Variants in P3H2 observed in about 807,000 individuals in gnomAD.
P3H2 encodes leprecan-like 1.
P3H2 carries 80 observed loss-of-function variants against 87.0 expected under a neutral mutation model. That is an observed-to-expected ratio of 0.92 (90% CI 0.77 to 1.11). The LOEUF is 1.11. Ranked by LOEUF, P3H2 falls within the 50% of genes least tolerant of loss-of-function variation. The pLI is 0.00. For synonymous variants in P3H2, 367 were observed against 359.3 expected, an observed-to-expected ratio of 1.02 and a Z score of -0.24; for missense variants, 1,001 against 923.9, an observed-to-expected ratio of 1.08 and a Z score of -1.08.
At chr3:190,050,493 T>G (rs573634256) in intron 1 of P3H2, among the ~76,000 whole-genome samples, 98 of 152,292 alleles carry the variant, frequency 6.4e-4, no homozygotes, top group Non-Finnish European at 1.3e-3. Flanking sequence ...CTTCTATAGA[T>G]GCAGACTTAG....
chr3:190,005,700 C>A lies in P3H2; in HGVS notation c.481-10258G>T, dbSNP rs145387915. Among the ~76,000 whole-genome samples the A allele has an allele frequency of 6.3e-3, 955 of 152,294 alleles. 10 individuals carry two copies. The highest frequency in any genetic ancestry group is 0.021 in the African/African-American group (892 of 41,558). On this transcript the variant is annotated intron_variant, in intron 1 of 14. Transcript: ENST00000319332. The stretch of plus-strand genomic sequence containing the variant: ...GCTTTTATAGGAGTGGGAAGATTTA[C>A]TTCAAAAGTTATTTCCAAACACTCA...
chr3:189,968,668 A>G (rs1051892583), intron 13 of P3H2, among the ~76,000 whole-genome samples: 1 of 152,194 alleles, frequency 6.6e-6, no homozygotes, highest in African/African-American at 2.4e-5. Context: ...AGGAATTGCC[A>G]CACTGTCTTC....
At chr3:190,038,768 A>G (rs1259769215) in intron 1 of P3H2, among the ~76,000 whole-genome samples, 1 of 152,234 alleles carries the variant, frequency 6.6e-6, no homozygotes, top group African/African-American at 2.4e-5. Flanking sequence ...AATATTTATC[A>G]TACACTGAAT....
At chr3:190,006,758 T>C (rs1724400394) in intron 1 of P3H2, among the ~76,000 whole-genome samples, 1 of 152,132 alleles carries the variant, frequency 6.6e-6, no homozygotes, top group East Asian at 1.9e-4. Flanking sequence ...CATGTGGATG[T>C]CCCAGCTGCA....
At chr3:190,054,884 ATCTGTAACAGCTCTTCTCTT>A (rs763177629) in intron 1 of P3H2, among the ~76,000 whole-genome samples, 24 of 152,076 alleles carry the variant, frequency 1.6e-4, no homozygotes, top group Non-Finnish European at 3.4e-4. Flanking sequence ...CTTGTTCTCC[ATCTGTAACAGCTCTTCTCTT>A]TCAATATCCC....
At chr3:190,119,681 C>A (rs1712455901) in intron 1 of P3H2, among the ~76,000 whole-genome samples, 1 of 152,170 alleles carries the variant, frequency 6.6e-6, no homozygotes, top group Non-Finnish European at 1.5e-5. Context: ...TTCGCCTCCT[C>A]CAAGCATACC....
At chr3:190,024,343 C>T (rs1048682882) in intron 1 of P3H2, among the ~76,000 whole-genome samples, 3 of 151,890 alleles carry the variant, frequency 2.0e-5, no homozygotes, top group African/African-American at 7.2e-5. Context: ...TCGAGACCAG[C>T]GTGTCCAATA....
intron 1 of P3H2, among the ~76,000 whole-genome samples, chr3:190,113,021 T>C (rs1490669659): frequency 1.3e-5 from 2 of 152,212 alleles, no homozygotes; most frequent in Non-Finnish European, 2.9e-5. Flanking sequence ...ATAACTTATG[T>C]ATCATGTGAA....
At chr3:190,029,203 A>G (rs1427154535) in intron 1 of P3H2, among the ~76,000 whole-genome samples, 1 of 152,228 alleles carries the variant, frequency 6.6e-6, no homozygotes, top group Non-Finnish European at 1.5e-5. Context: ...GAAGTTGATT[A>G]TCCAAGGAGC....
chr3:190,116,879 G>A (rs1251015305), intron 1 of P3H2, among the ~76,000 whole-genome samples: 1 of 152,134 alleles, frequency 6.6e-6, no homozygotes, highest in African/African-American at 2.4e-5. Context: ...TAGCTGTCTA[G>A]GCAAATTCCC....
At chr3:190,045,260 G>T (rs1725764447) in intron 1 of P3H2, among the ~76,000 whole-genome samples, 1 of 152,166 alleles carries the variant, frequency 6.6e-6, no homozygotes, top group African/African-American at 2.4e-5. Flanking sequence ...GAAAAGCTTG[G>T]ATTTATTTTG....
At chr3:190,014,704 T>A (rs369681007) in intron 1 of P3H2, among the ~76,000 whole-genome samples, 1 of 152,088 alleles carries the variant, frequency 6.6e-6, no homozygotes, top group East Asian at 1.9e-4. Flanking sequence ...TCTTTGCCGC[T>A]CTTGGTGGCC....
intron 1 of P3H2, among the ~76,000 whole-genome samples, chr3:190,059,263 TAGC>T (rs1388291876): frequency 6.6e-6 from 1 of 152,122 alleles, no homozygotes; most frequent in African/African-American, 2.4e-5. Flanking sequence ...GTTTCTTGAG[TAGC>T]AGGTCTGTGT....
intron 8 of P3H2, among the ~76,000 whole-genome samples, chr3:189,981,709 A>G (rs906418369): frequency 1.3e-5 from 2 of 152,144 alleles, no homozygotes; most frequent in African/African-American, 4.8e-5. Context: ...GGGGAAAAAA[A>G]TGCTTTGAAA....
intron 1 of P3H2, among the ~76,000 whole-genome samples, chr3:190,022,945 G>T (rs1054843237): frequency 3.3e-5 from 5 of 152,002 alleles, no homozygotes; most frequent in African/African-American, 1.2e-4. Context: ...TCCTGCTTCA[G>T]CCTCCCGAGT....
At chr3:189,975,079 A>G (rs185121272) in intron 8 of P3H2, among the ~76,000 whole-genome samples, 1 of 152,294 alleles carries the variant, frequency 6.6e-6, no homozygotes, top group Non-Finnish European at 1.5e-5. Flanking sequence ...TTGGGTCCCC[A>G]GGTATGACAT....
intron 1 of P3H2, among the ~76,000 whole-genome samples, chr3:190,100,388 A>T (rs548529471): frequency 6.6e-6 from 1 of 152,068 alleles, no homozygotes; most frequent in African/African-American, 2.4e-5. Flanking sequence ...GGTATTGAGG[A>T]TAAGATACTA....
At chr3:190,091,490 T>C (rs1727407784) in intron 1 of P3H2, among the ~76,000 whole-genome samples, 1 of 152,238 alleles carries the variant, frequency 6.6e-6, no homozygotes, top group African/African-American at 2.4e-5. Flanking sequence ...AAGGAAGTGT[T>C]ACTACAATAT....
chr3:190,044,605 T>C (rs1725742076), intron 1 of P3H2, among the ~76,000 whole-genome samples: 1 of 152,202 alleles, frequency 6.6e-6, no homozygotes, highest in Non-Finnish European at 1.5e-5. Context: ...TCATACACTA[T>C]ACACTAACAA....
Sources: allele counts gnomAD v4.1 joint callset (sites outside exome capture counted in the v4.1 genomes callset), GRCh38; gene constraint gnomAD v4.1.1; transcripts MANE v1.5; gene names NCBI Gene and HGNC (gene_info 2026-07-23, HGNC 2026-07-21).